Variants in ADK observed in about 807,000 individuals in gnomAD.
The protein encoded by ADK is N6,N6-dimethyladenosine kinase.
In ADK, 24 loss-of-function variants were observed where a neutral mutation model predicts 44.7. The observed-to-expected ratio is 0.54, with a 90% CI of 0.39 to 0.76. ADK has a LOEUF of 0.76. ADK is among the 30% of genes least tolerant of loss of function. The pLI is 0.00. For missense variants in ADK, 321 were observed against 425.1 expected, an observed-to-expected ratio of 0.76 and a Z score of 2.15; for synonymous variants, 128 against 142.6, an observed-to-expected ratio of 0.90 and a Z score of 0.73.
At chr10:74,355,523 A>C (rs1253971128) in intron 4 of ADK, among the ~76,000 whole-genome samples, 4 of 152,174 alleles carry the variant, frequency 2.6e-5, no homozygotes, top group African/African-American at 9.7e-5. Context: ...CATAACTTTT[A>C]TCTTCTTTAA....
chr10:74,567,698 T>C (rs926941403), intron 7 of ADK, among the ~76,000 whole-genome samples: 27 of 129,306 alleles, frequency 2.1e-4, no homozygotes, highest in Admixed American at 9.0e-4. Flanking sequence ...TTGTTTTTTT[T>C]GTTTTTTTTT....
chr10:74,678,677 A>T (rs1477985425), intron 10 of ADK, among the ~76,000 whole-genome samples: 1 of 152,236 alleles, frequency 6.6e-6, no homozygotes, highest in Admixed American at 6.5e-5. Flanking sequence ...AGAAATATTT[A>T]TTCTAAGAAA....
intron 10 of ADK, among the ~76,000 whole-genome samples, chr10:74,700,878 G>T (rs547785718): frequency 2.0e-5 from 3 of 152,052 alleles, no homozygotes; most frequent in Non-Finnish European, 4.4e-5. Flanking sequence ...TAAGAAATGG[G>T]ACTAAAACTG....
At chr10:74,216,212 A>G (rs1214656646) in intron 2 of ADK, among the ~76,000 whole-genome samples, 1 of 152,136 alleles carries the variant, frequency 6.6e-6, no homozygotes, top group Non-Finnish European at 1.5e-5. Context: ...ACAGTCTTTC[A>G]TGCATATTGA....
At chr10:74,327,463 T>A (rs963712576) in intron 4 of ADK, among the ~76,000 whole-genome samples, 1 of 152,236 alleles carries the variant, frequency 6.6e-6, no homozygotes, top group African/African-American at 2.4e-5. Context: ...GAATGTGTAA[T>A]CTTCAGCCGC....
intron 2 of ADK, among the ~76,000 whole-genome samples, chr10:74,201,730 A>ATC (rs1160049894): frequency 2.9e-4 from 42 of 142,510 alleles, no homozygotes; most frequent in African/African-American, 9.8e-4. Context: ...CTATCTATCT[A>ATC]TATATGGTTC....
At chr10:74,209,735 T>C (rs542519709) in intron 2 of ADK, among the ~76,000 whole-genome samples, 1 of 152,118 alleles carries the variant, frequency 6.6e-6, no homozygotes, top group African/African-American at 2.4e-5. Flanking sequence ...AAAAAAGAAT[T>C]GAAAGTTATT....
rs562637274 is a variant in ADK at position 74,529,531 on chromosome 10, AT to A, written c.726+4112del. On this transcript the variant is annotated intron_variant, in intron 7 of 10. Coordinates refer to ENST00000539909, the MANE Select transcript of ADK (RefSeq NM_006721.4). Reference sequence around the variant, plus strand: ...TTTATCATATGTATAGTTTACCACAATTTTTTTGAAAAAGTTTTATTCTACA... The same window carrying A: ...TTTATCATATGTATAGTTTACCACAATTTTTTGAAAAAGTTTTATTCTACA... Among the ~76,000 whole-genome samples the A allele has an allele frequency of 1.6e-4, 24 of 152,276 alleles. No homozygotes were observed. The East Asian group carries it at 4.6e-3, about 29-fold the overall frequency.
rs547824968 is a variant in ADK at position 74,327,880 on chromosome 10, T to C, written c.273+13135T>C. Among the ~76,000 whole-genome samples the C allele has an allele frequency of 9.2e-5, 14 of 152,312 alleles. No individual in the cohort carries two copies. In the South Asian group the frequency reaches 2.9e-3, roughly 32 times the overall value. Reference sequence around the variant, plus strand: ...ATTGCTAAAAATGTTTAATAAACACTGTGTACTTTAACTCCTCTTTTTCTC... The same window carrying C: ...ATTGCTAAAAATGTTTAATAAACACCGTGTACTTTAACTCCTCTTTTTCTC... On this transcript the variant is annotated intron_variant, in intron 4 of 10. Transcript: ENST00000539909.
chr10:74,544,922 C>T (rs1179176148), intron 7 of ADK, among the ~76,000 whole-genome samples: 3 of 149,584 alleles, frequency 2.0e-5, no homozygotes, highest in Non-Finnish European at 3.0e-5. Flanking sequence ...GAGACGGAAT[C>T]TTGCCATGTC....
chr10:74,185,928 A>G (rs1181177893), intron 1 of ADK, among the ~76,000 whole-genome samples: 2 of 150,384 alleles, frequency 1.3e-5, no homozygotes, highest in East Asian at 2.0e-4. Flanking sequence ...GCTCACTGCA[A>G]CCTACCTCTC....
At chr10:74,662,305 G>A (rs1460021155) in intron 9 of ADK, among the ~76,000 whole-genome samples, 6 of 152,166 alleles carry the variant, frequency 3.9e-5, no homozygotes, top group African/African-American at 1.4e-4. Flanking sequence ...TTTTGAGACA[G>A]GGTGTTGCTC....
At chr10:74,609,051 C>T (rs1433273799) in intron 9 of ADK, among the ~76,000 whole-genome samples, 2 of 152,170 alleles carry the variant, frequency 1.3e-5, no homozygotes, top group Non-Finnish European at 2.9e-5. Flanking sequence ...GGGAAAACCG[C>T]CTACTCAAGC....
intron 8 of ADK, among the ~76,000 whole-genome samples, chr10:74,596,845 C>A (rs1024626791): frequency 1.3e-5 from 2 of 152,202 alleles, no homozygotes; most frequent in Admixed American, 1.3e-4. Context: ...CCACGCCTTA[C>A]CTTAATGAAT....
At chr10:74,628,623 C>T (rs926477335) in intron 9 of ADK, among the ~76,000 whole-genome samples, 1 of 151,928 alleles carries the variant, frequency 6.6e-6, no homozygotes, top group African/African-American at 2.4e-5. Flanking sequence ...AATCTAACTC[C>T]AAAGGGGTAC....
intron 2 of ADK, among the ~76,000 whole-genome samples, chr10:74,214,080 T>G (rs1843929100): frequency 6.6e-6 from 1 of 152,230 alleles, no homozygotes; most frequent in African/African-American, 2.4e-5. Flanking sequence ...CTAATTGAGT[T>G]TTAATCCTCG....
intron 9 of ADK, among the ~76,000 whole-genome samples, chr10:74,631,777 C>T (rs1356621704): frequency 6.6e-6 from 1 of 152,042 alleles, no homozygotes; most frequent in Non-Finnish European, 1.5e-5. Flanking sequence ...TAGAAAATTA[C>T]CATGGTTCTA....
intron 4 of ADK, among the ~76,000 whole-genome samples, chr10:74,392,719 G>A (rs886934057): frequency 6.0e-5 from 9 of 151,134 alleles, no homozygotes; most frequent in Non-Finnish European, 1.3e-4. Context: ...TAAATCCAAT[G>A]TCCTGAAGCT....
At chr10:74,694,146 C>CTTTTTTTTTTTTTTTT (rs1266786094) in intron 10 of ADK, among the ~76,000 whole-genome samples, 2 of 36,308 alleles carry the variant, frequency 5.5e-5, no homozygotes, top group Admixed American at 4.0e-4. Flanking sequence ...TTTTCAAACA[C>CTTTTTTTTTTTTTTTT]ATTTTTTTTT....
Sources: allele counts gnomAD v4.1 joint callset (sites outside exome capture counted in the v4.1 genomes callset), GRCh38; gene constraint gnomAD v4.1.1; transcripts MANE v1.5; gene names NCBI Gene and HGNC (gene_info 2026-07-23, HGNC 2026-07-21).